The following CENPU variants were observed in gnomAD, a reference collection of about 807,000 sequenced individuals.
CENPU encodes the protein centromere protein U, also known as KSHV latent nuclear antigen interacting protein 1.
CENPU carries 46 observed loss-of-function variants against 56.7 expected under a neutral mutation model. The observed-to-expected ratio is 0.81, with a 90% CI of 0.64 to 1.04. The LOEUF (loss-of-function observed/expected upper bound fraction) is 1.04, where lower values mean the gene tolerates loss of function less well. Among genes scored for constraint, CENPU ranks in the 50% least tolerant of loss-of-function variants. CENPU has a pLI of 0.00. For missense variants in CENPU, 510 were observed against 490.1 expected (o/e 1.04, Z -0.38); for synonymous variants, 166 against 163.0 (o/e 1.02, Z -0.14).
At chr4:184,731,116 A>T in intron 1 of CENPU, 148 bp from the exon 2 acceptor site, 1 of 615,262 alleles carries the variant, frequency 1.6e-6, no homozygotes. Flanking sequence ...GTCAAATCCT[A>T]TCACCAATGT....
chr4:184,734,026 TGTGAGGCCGCGGCCGCCGCCGCCCCC>T lies in CENPU; in HGVS notation c.11_36del (p.Arg4GlnfsTer3), dbSNP rs1761752316. 1 of 1,596,556 alleles carries T rather than the reference TGTGAGGCCGCGGCCGCCGCCGCCCCC, an allele frequency of 6.3e-7. No individual in the cohort carries two copies. Among genetic ancestry groups the T allele is most frequent in the Non-Finnish European group, 8.5e-7 (1 of 1,173,832 alleles). ...GTCGGCAGTACTTACCCCTCAGACC[TGTGAGGCCGCGGCCGCCGCCGCCCCC>T]GCGGGGCCATGGTGCCGCTCTCCGC... is the stretch of plus-strand genomic sequence containing the variant. On this transcript the variant is annotated frameshift_variant, in exon 1 of 13. Transcript: ENST00000281453. LOFTEE classifies it high-confidence loss of function.
At chr4:184,727,116 CAAA>C (rs59124760) in intron 3 of CENPU, among the ~76,000 whole-genome samples, 10 of 86,710 alleles carry the variant, frequency 1.2e-4, no homozygotes, top group Non-Finnish European at 9.7e-5. Context: ...ACTTCGTCTC[CAAA>C]AAAAAAAAAA....
intron 2 of CENPU, among the ~76,000 whole-genome samples, chr4:184,730,019 G>C (rs1280806113): frequency 6.6e-6 from 1 of 152,194 alleles, no homozygotes; most frequent in Non-Finnish European, 1.5e-5. Flanking sequence ...AGTGCTTGGG[G>C]GTGGAATGTG....
intron 4 of CENPU, among the ~76,000 whole-genome samples, chr4:184,719,678 T>A (rs958193988): frequency 1.3e-5 from 2 of 152,148 alleles, no homozygotes; most frequent in African/African-American, 4.8e-5. Flanking sequence ...AAGGGTGTAC[T>A]GGCATCACCC....
chr4:184,724,720 T>C lies in CENPU; in HGVS notation c.320+237A>G, dbSNP rs6852156. On this transcript the variant is annotated intron_variant, in intron 4 of 12. Transcript: ENST00000281453. ...TCTTATTTGACTCAAAGCTAAACTATCTTCCCAGGCATGATTTCTAGGATA... is the reference window on the plus strand; with the variant it reads ...TCTTATTTGACTCAAAGCTAAACTACCTTCCCAGGCATGATTTCTAGGATA... Among the ~76,000 whole-genome samples, 754 of 152,328 alleles carry C rather than the reference T, an allele frequency of 4.9e-3. 8 individuals carry two copies. Among genetic ancestry groups the C allele is most frequent in the African/African-American group, 0.017 (709 of 41,580 alleles).
chr4:184,714,386 T>C (rs1761022569), intron 6 of CENPU, among the ~76,000 whole-genome samples: 3 of 152,136 alleles, frequency 2.0e-5, no homozygotes, highest in Admixed American at 2.0e-4. Flanking sequence ...TCTCATACTT[T>C]TCTTAAAAAA....
At chr4:184,716,174 ATCCCCCTGCCTCGGTCTCCCAAAGTGC>A (rs1458881460) in intron 6 of CENPU, among the ~76,000 whole-genome samples, 196 bp downstream of exon 6, 1 of 152,112 alleles carries the variant, frequency 6.6e-6, no homozygotes, top group Non-Finnish European at 1.5e-5. Flanking sequence ...ACCTCAGGTG[ATCCCCCTGCCTCGGTCTCCCAAAGTGC>A]TGGGATTACA....
chr4:184,701,554 T>C (rs1246458178), intron 10 of CENPU, among the ~76,000 whole-genome samples: 1 of 152,184 alleles, frequency 6.6e-6, no homozygotes, highest in African/African-American at 2.4e-5. Context: ...ACTCTCATGC[T>C]GGCTGGCTTG....
At chr4:184,710,261 A>T (rs1760876867) in intron 7 of CENPU, 81 bp from the exon 8 acceptor site, 8 of 798,800 alleles carry the variant, frequency 1.0e-5, no homozygotes, top group African/African-American at 1.7e-5. Flanking sequence ...TGACACAAAA[A>T]TAGTCTCACC....
chr4:184,705,543 G>A (rs751124010), intron 8 of CENPU, among the ~76,000 whole-genome samples: 4 of 151,638 alleles, frequency 2.6e-5, no homozygotes, highest in Non-Finnish European at 4.4e-5. Flanking sequence ...ACAACTGCAC[G>A]TGATTCTACA....
intron 7 of CENPU, among the ~76,000 whole-genome samples, chr4:184,711,612 A>G (rs1182817216): frequency 6.6e-6 from 1 of 152,142 alleles, no homozygotes; most frequent in Non-Finnish European, 1.5e-5. Context: ...GAAGTTATTC[A>G]TTATATTCTT....
At chr4:184,724,880 TA>T in intron 4 of CENPU, 76 bp downstream of exon 4, 1 of 932,142 alleles carries the variant, frequency 1.1e-6, no homozygotes, top group Non-Finnish European at 1.6e-6. Context: ...GCTTTTGTTT[TA>T]TTAGCTTCTA....
chr4:184,727,404 A>C (rs1388555150), intron 3 of CENPU, among the ~76,000 whole-genome samples: 5 of 152,202 alleles, frequency 3.3e-5, no homozygotes, highest in African/African-American at 4.8e-5. Context: ...TACAGAGTTA[A>C]TACACTTAAA....
chr4:184,734,001 G>A lies in CENPU; in HGVS notation c.47+15C>T, dbSNP rs1305970869. The A allele has an allele frequency of 3.1e-6, 5 of 1,609,802 alleles. No individual in the cohort carries two copies. The highest frequency in any genetic ancestry group is 4.2e-6 in the Non-Finnish European group (5 of 1,178,860). ...GGTCTCCGGCCCCGCGCTCCCGAGG[G>A]TCGGCAGTACTTACCCCTCAGACCT... On this transcript the variant is annotated intron_variant, in intron 1 of 12. Coordinates refer to ENST00000281453, the MANE Select transcript of CENPU (RefSeq NM_024629.4).
chr4:184,708,096 T>C (rs28455501), intron 8 of CENPU, among the ~76,000 whole-genome samples: 8,454 of 151,832 alleles, frequency 0.056, 754 homozygotes, highest in African/African-American at 0.19. Flanking sequence ...TGGTGGCGCA[T>C]GCTTGTAATC....
intron 8 of CENPU, 87 bp from the exon 9 acceptor site, chr4:184,702,528 TA>T: frequency 1.2e-6 from 1 of 868,604 alleles, no homozygotes; most frequent in Non-Finnish European, 1.8e-6. Flanking sequence ...AACATACACA[TA>T]CAATTTGGCA....
intron 3 of CENPU, among the ~76,000 whole-genome samples, chr4:184,727,140 G>C (rs1761485776): frequency 7.3e-6 from 1 of 137,586 alleles, no homozygotes; most frequent in South Asian, 2.2e-4. Context: ...AAAAATTTCT[G>C]ACTCAGGCTA....
chr4:184,719,971 C>T (rs72705691), intron 4 of CENPU, among the ~76,000 whole-genome samples: 7,131 of 152,244 alleles, frequency 0.047, 221 homozygotes, highest in Middle Eastern at 0.075. Context: ...TGTCTAGACA[C>T]TGATAAACAT....
At chr4:184,726,208 G>A (rs1761446312) in intron 3 of CENPU, among the ~76,000 whole-genome samples, 1 of 152,154 alleles carries the variant, frequency 6.6e-6, no homozygotes, top group South Asian at 2.1e-4. Flanking sequence ...AAAAGAAATA[G>A]AACAATCCCA....
Sources: gnomAD v4.1 joint callset for allele counts (sites outside exome capture counted in the v4.1 genomes callset) on GRCh38, gnomAD v4.1.1 for gene constraint, MANE v1.5 for transcripts, NCBI Gene and HGNC (gene_info 2026-07-23, HGNC 2026-07-21) for gene names.